SLC9B1: variants seen among roughly 807,000 people sequenced by gnomAD.
The protein encoded by SLC9B1 is solute carrier family 9 member B1, also known as sodium/hydrogen exchanger 9B1.
In SLC9B1, 32 loss-of-function variants were observed where a neutral mutation model predicts 51.7. That is an observed-to-expected ratio of 0.62 (90% CI 0.47 to 0.83). The LOEUF is 0.83. Among genes scored for constraint, SLC9B1 ranks in the 40% least tolerant of loss-of-function variants. The pLI is 0.00. For synonymous variants in SLC9B1, 145 were observed against 212.7 expected, an observed-to-expected ratio of 0.68 and a Z score of 2.77; for missense variants, 406 against 613.2, an observed-to-expected ratio of 0.66 and a Z score of 3.57.
At chr4:102,962,519 G>C (rs1373573274) in intron 3 of SLC9B1, 1 of 478,830 alleles carries the variant, frequency 2.1e-6, no homozygotes, top group East Asian at 6.4e-5. Flanking sequence ...AGTTCAGGAG[G>C]TACTGGCCTT....
In SLC9B1 at chr4:102,974,050, A is replaced by C. The variant is rs937071175; in HGVS notation, c.211+15750T>G. ...CGGGAGTTCAAGACCAGCTTGGCCA[A>C]CATGGTGAAACCCCCATCTCTACTG... On this transcript the variant is annotated intron_variant, in intron 3 of 11. Transcript: ENST00000296422. Among the ~76,000 whole-genome samples the C allele has an allele frequency of 1.8e-4, 27 of 152,048 alleles. 1 individual carries two copies. Among genetic ancestry groups the C allele is most frequent in the Admixed American group, 5.2e-4 (8 of 15,262 alleles).
intron 4 of SLC9B1, 96 bp from the exon 5 acceptor site, chr4:102,946,885 T>C: frequency 1.7e-6 from 2 of 1,204,348 alleles, no homozygotes; most frequent in Non-Finnish European, 1.1e-6. Flanking sequence ...ATGTCTCTCA[T>C]TATTTTGGTA....
chr4:102,888,532 A>G (rs1734058963), intron 11 of SLC9B1: 1 of 152,270 alleles, frequency 6.6e-6, no homozygotes, highest in African/African-American at 2.4e-5. Context: ...TCAACTGTAC[A>G]AAAAAGTTTG....
intron 1 of SLC9B1, among the ~76,000 whole-genome samples, chr4:102,997,556 CTG>C (rs1740292032): frequency 6.6e-6 from 1 of 152,050 alleles, no homozygotes; most frequent in South Asian, 2.1e-4. Flanking sequence ...TTCTAATAGT[CTG>C]TAGATTTGTT....
At chr4:102,961,456 T>A (rs2110488563) in intron 3 of SLC9B1, among the ~76,000 whole-genome samples, 1 of 152,416 alleles carries the variant, frequency 6.6e-6, no homozygotes, top group East Asian at 1.9e-4. Flanking sequence ...AGGCTGCTCC[T>A]GTACTTTGTG....
At chr4:102,983,387 A>G (rs1158160464) in intron 3 of SLC9B1, among the ~76,000 whole-genome samples, 1 of 152,178 alleles carries the variant, frequency 6.6e-6, no homozygotes, top group East Asian at 1.9e-4. Context: ...TTTTGATATT[A>G]GGAATGCTGA....
intron 3 of SLC9B1, among the ~76,000 whole-genome samples, chr4:102,982,258 T>A (rs1053357337): frequency 8.5e-5 from 13 of 152,144 alleles, no homozygotes; most frequent in African/African-American, 3.1e-4. Context: ...GTTTGATTGA[T>A]CTCTTTGTCT....
chr4:102,939,176 A>G (rs1736866637), intron 6 of SLC9B1, among the ~76,000 whole-genome samples: 1 of 151,738 alleles, frequency 6.6e-6, no homozygotes, highest in African/African-American at 2.4e-5. Flanking sequence ...AGATCCAAAA[A>G]ACACAATCAG....
chr4:102,969,926 G>A (rs1457297146), intron 3 of SLC9B1, among the ~76,000 whole-genome samples: 1 of 151,894 alleles, frequency 6.6e-6, no homozygotes, highest in Non-Finnish European at 1.5e-5. Context: ...AAGTGAGAAG[G>A]GAAGTTTAGA....
rs185803287 is a variant in SLC9B1, at chr4:103,015,704, A to G, written c.-2+3895T>C. Among the ~76,000 whole-genome samples the G allele has an allele frequency of 2.6e-3, 399 of 152,090 alleles. 5 individuals carry two copies. Among genetic ancestry groups the G allele is most frequent in the Middle Eastern group, 3.4e-3 (1 of 294 alleles). ...AAATATTCCTCCTCACTCTTTACTA[A>G]TCTTGCGTCATACCTTATCTTCATT... is the stretch of plus-strand genomic sequence containing the variant. On this transcript the variant is annotated intron_variant, in intron 1 of 11. Coordinates refer to ENST00000296422, the MANE Select transcript of SLC9B1 (RefSeq NM_139173.4).
At chr4:102,976,533 C>G (rs1739078911) in intron 3 of SLC9B1, among the ~76,000 whole-genome samples, 1 of 152,074 alleles carries the variant, frequency 6.6e-6, no homozygotes, top group African/African-American at 2.4e-5. Flanking sequence ...TTTGAAGGAA[C>G]TTACAATTAA....
At chr4:102,887,334 T>C in intron 11 of SLC9B1, 2 of 1,213,972 alleles carry the variant, frequency 1.6e-6, no homozygotes, top group Non-Finnish European at 2.4e-6. Context: ...TTCTTTTTTC[T>C]TTTTAGTTTC....
intron 7 of SLC9B1, among the ~76,000 whole-genome samples, chr4:102,928,293 C>T (rs1736289241): frequency 6.6e-6 from 1 of 152,152 alleles, no homozygotes; most frequent in African/African-American, 2.4e-5. Flanking sequence ...TTCAAAGTTC[C>T]ATAAATCTCT....
At chr4:102,982,377 G>A (rs915360895) in intron 3 of SLC9B1, among the ~76,000 whole-genome samples, 4 of 151,916 alleles carry the variant, frequency 2.6e-5, no homozygotes, top group Admixed American at 1.3e-4. Flanking sequence ...ATGTCGAGTT[G>A]GCTTTTCTGG....
In SLC9B1 at chr4:102,905,539, G is replaced by A. The variant is rs1295805911; in HGVS notation, c.1307C>T (p.Ala436Val). 2.5e-6 allele frequency: 4 copies of A among 1,610,826 alleles called. No homozygotes were observed. Among genetic ancestry groups the A allele is most frequent in the African/African-American group, 2.7e-5 (2 of 74,818 alleles). Residue 436 changes from alanine (A) to valine (V), a missense_variant, in exon 11 of 12, where the codon GCA becomes GTA. Physicochemically the swap from Ala to Val is moderately conservative, Grantham distance 64 (BLOSUM62 0). This residue lies in a region of SLC9B1 where 24 missense variants were observed against 30.7 expected (regional missense o/e 0.78). Transcript: ENST00000296422. ...SFKEKIFIAL[A>V]WMPKATVQAV... ...CTGTACTGTAGCTTTGGGCATCCAT[G>A]CTAAAGCAATAAATATTTTCTCCTT...
At chr4:102,971,244 C>T (rs976803198) in intron 3 of SLC9B1, among the ~76,000 whole-genome samples, 6 of 152,290 alleles carry the variant, frequency 3.9e-5, no homozygotes, top group Non-Finnish European at 7.4e-5. Context: ...TGAAGTAAAG[C>T]ACTCCTCAGC....
intron 3 of SLC9B1, among the ~76,000 whole-genome samples, chr4:102,976,623 T>A (rs1050006971): frequency 7.9e-5 from 12 of 152,044 alleles, no homozygotes; most frequent in African/African-American, 2.4e-4. Flanking sequence ...TGGAAAAAAA[T>A]CATAGGTTCT....
chr4:102,941,116 C>T (rs1298640845), intron 6 of SLC9B1, among the ~76,000 whole-genome samples: 4 of 152,176 alleles, frequency 2.6e-5, no homozygotes, highest in East Asian at 3.9e-4. Context: ...ATGATGAAGA[C>T]GCCAAAAACA....
In SLC9B1 at chr4:102,956,183, T is replaced by C. The variant is rs1172653300; in HGVS notation, c.212-6756A>G. ...GCTGGGGAAGAGAAACACATCCTTG[T>C]AACTCCACAGGAGATGATTCCAGGA... On this transcript the variant is annotated intron_variant, in intron 3 of 11. Transcript: ENST00000296422. Among the ~76,000 whole-genome samples, 5 of 152,278 alleles carry C rather than the reference T, an allele frequency of 3.3e-5. No individual in the cohort carries two copies. The East Asian group carries it at 9.7e-4, about 29-fold the overall frequency.
Sources: gnomAD v4.1 joint callset for allele counts (sites outside exome capture counted in the v4.1 genomes callset) on GRCh38, gnomAD v4.1.1 for gene constraint, gnomAD v4.1.1 regional missense constraint, MANE v1.5 for transcripts, NCBI Gene and HGNC (gene_info 2026-07-23, HGNC 2026-07-21) for gene names.